RYR2: variants seen among roughly 807,000 people sequenced by gnomAD.
RYR2 encodes the protein cardiac muscle ryanodine receptor-calcium release channel.
A neutral mutation model predicts 601.1 loss-of-function variants in RYR2; 227 were observed. The observed-to-expected ratio is 0.38, with a 90% CI of 0.34 to 0.42. The LOEUF (loss-of-function observed/expected upper bound fraction) is 0.42, where lower values mean the gene tolerates loss of function less well. Ranked by LOEUF, RYR2 falls within the 10% of genes least tolerant of loss-of-function variation. The pLI, the probability that RYR2 is intolerant of heterozygous loss-of-function variation, is 1.00. For synonymous variants in RYR2, 2,223 were observed against 2,175.1 expected, an observed-to-expected ratio of 1.02 and a Z score of -0.61; for missense variants, 4,646 against 6,156.5, an observed-to-expected ratio of 0.75 and a Z score of 8.21.
At chr1:237,545,753 T>TA (rs57471366) in intron 25 of RYR2, among the ~76,000 whole-genome samples, 9,760 of 128,144 alleles carry the variant, frequency 0.076, 401 homozygotes, top group Admixed American at 0.13. Context: ...TCTTGAAAAA[T>TA]AAAAAAAAAA....
intron 25 of RYR2, among the ~76,000 whole-genome samples, chr1:237,542,391 C>T (rs1210094553): frequency 6.6e-6 from 1 of 152,208 alleles, no homozygotes; most frequent in African/African-American, 2.4e-5. Context: ...TGAAAGCATT[C>T]TACTGCTGAA....
At chr1:237,492,119 G>A (rs1347474663) in intron 18 of RYR2, among the ~76,000 whole-genome samples, 195 bp downstream of exon 18, 1 of 152,136 alleles carries the variant, frequency 6.6e-6, no homozygotes, top group Non-Finnish European at 1.5e-5. Flanking sequence ...TGCAACCTCC[G>A]CCTCTAGGGT....
In RYR2 at chr1:237,625,643, T is replaced by C. The variant is rs1422037343; in HGVS notation, c.6023-18T>C. 3.7e-6 allele frequency: 6 copies of C among 1,604,258 alleles called. No homozygotes were observed. On this transcript the variant is annotated intron_variant, in intron 39 of 104. Coordinates refer to ENST00000366574, the MANE Select transcript of RYR2 (RefSeq NM_001035.3). ...TTCTTTAAATATTTTTTTCTGCCTCTCTGTTTTTTTATACTAGGAATTGAG... is the reference window on the plus strand; with the variant it reads ...TTCTTTAAATATTTTTTTCTGCCTCCCTGTTTTTTTATACTAGGAATTGAG...
At chr1:237,459,436 T>C (rs1480740719) in intron 16 of RYR2, among the ~76,000 whole-genome samples, 1 of 152,170 alleles carries the variant, frequency 6.6e-6, no homozygotes, top group African/African-American at 2.4e-5. Context: ...ATTTCATGTA[T>C]GAATGTTTGA....
chr1:237,245,656 G>C (rs1240766808), intron 1 of RYR2, among the ~76,000 whole-genome samples: 1 of 152,104 alleles, frequency 6.6e-6, no homozygotes, highest in African/African-American at 2.4e-5. Context: ...GATTACAGAG[G>C]ATTTATAGAC....
At chr1:237,226,833 C>T (rs1016566243) in intron 1 of RYR2, among the ~76,000 whole-genome samples, 10 of 151,924 alleles carry the variant, frequency 6.6e-5, no homozygotes, top group African/African-American at 1.9e-4. Flanking sequence ...TAGTGGCGTG[C>T]TCTCGGCTCA....
intron 2 of RYR2, among the ~76,000 whole-genome samples, chr1:237,320,966 T>TG (rs1417352515): frequency 0.019 from 2 of 104 alleles, no homozygotes; most frequent in Non-Finnish European, 0.025. Flanking sequence ...CACATTTAGG[T>TG]TTTTTTTTTT....
At chr1:237,735,352 T>C (rs1185840011) in intron 79 of RYR2, among the ~76,000 whole-genome samples, 1 of 152,090 alleles carries the variant, frequency 6.6e-6, no homozygotes, top group Non-Finnish European at 1.5e-5. Context: ...CTAGATGGAA[T>C]TGTGAGGTTG....
chr1:237,177,057 T>G (rs1407137923), intron 1 of RYR2, among the ~76,000 whole-genome samples: 2 of 152,208 alleles, frequency 1.3e-5, no homozygotes, highest in African/African-American at 4.8e-5. Context: ...TAGTCTATGT[T>G]GTATTACTGT....
chr1:237,351,890 A>G (rs1271860041), intron 3 of RYR2, among the ~76,000 whole-genome samples: 1 of 150,410 alleles, frequency 6.6e-6, no homozygotes, highest in African/African-American at 2.4e-5. Context: ...GTATAGACTA[A>G]TATTTATCAG....
intron 1 of RYR2, among the ~76,000 whole-genome samples, chr1:237,244,792 C>T (rs986255246): frequency 8.0e-5 from 10 of 124,498 alleles, no homozygotes; most frequent in South Asian, 3.1e-4. Flanking sequence ...CAATGAGCCC[C>T]GGGTATTTAC....
chr1:237,091,560 G>A (rs934052047), intron 1 of RYR2, among the ~76,000 whole-genome samples: 6 of 152,106 alleles, frequency 3.9e-5, no homozygotes, highest in Non-Finnish European at 8.8e-5. Flanking sequence ...GAGTAGCTGG[G>A]ATTACAGGTG....
chr1:237,366,583 T>A (rs1214152285), intron 5 of RYR2, among the ~76,000 whole-genome samples: 2 of 151,680 alleles, frequency 1.3e-5, no homozygotes, highest in Non-Finnish European at 2.9e-5. Flanking sequence ...CAACTGTATT[T>A]AAAAAACACA....
intron 100 of RYR2, among the ~76,000 whole-genome samples, chr1:237,814,968 T>TTC (rs1296346395): frequency 5.5e-5 from 7 of 128,166 alleles, no homozygotes; most frequent in East Asian, 2.3e-4. Flanking sequence ...CTTTTTTCTT[T>TTC]TTTTTTTTTT....
intron 92 of RYR2, 66 bp downstream of exon 92, chr1:237,788,201 A>C: frequency 7.4e-7 from 1 of 1,355,514 alleles, no homozygotes; most frequent in Non-Finnish European, 1.0e-6. Flanking sequence ...TAGGCTCAGT[A>C]AATGTTTGCT....
At chr1:237,303,826 A>G (rs1693610534) in intron 2 of RYR2, among the ~76,000 whole-genome samples, 1 of 152,132 alleles carries the variant, frequency 6.6e-6, no homozygotes, top group Non-Finnish European at 1.5e-5. Context: ...ACTTTATATA[A>G]TTATCTTATT....
chr1:237,566,708 G>A lies in RYR2; in HGVS notation c.3356G>A (p.Arg1119His), dbSNP rs201312753. 3.3e-4 allele frequency: 526 copies of A among 1,613,802 alleles called. No individual in the cohort carries two copies. Among genetic ancestry groups the A allele is most frequent in the Non-Finnish European group, 4.2e-4 (493 of 1,179,852 alleles). ...TAGDMRVGWS[R>H]PGCQPDQELG... Reference sequence around the variant, plus strand: ...GGAGACATGAGGGTTGGTTGGAGTCGTCCTGGTTGTCAACCGGATCAGGAG... The same window carrying A: ...GGAGACATGAGGGTTGGTTGGAGTCATCCTGGTTGTCAACCGGATCAGGAG... The change falls in exon 28 of 105, where the codon CGT (arginine) becomes CAT (histidine). Residue 1119 changes from arginine to histidine, a missense_variant. Around this residue, in one of 17 missense-constraint regions of RYR2, gnomAD observed 1,807 missense variants for 2,088.1 expected, o/e 0.87. Coordinates refer to ENST00000366574, the MANE Select transcript of RYR2 (RefSeq NM_001035.3).
Position 237,658,031 on chromosome 1 carries a change from A to C in RYR2, c.8208+9A>C. 3 of 1,437,234 alleles carry C rather than the reference A, an allele frequency of 2.1e-6. No individual in the cohort carries two copies. The highest frequency in any genetic ancestry group is 2.8e-5 in the South Asian group (2 of 70,340). The allele number at this position is 1,437,234 out of a possible 1,614,324, so 89.0% of individuals were successfully genotyped here. ...AATGGTCAATGGACAAGGTAAAAAG[A>C]GTATTACATTCTAATTCAGTAGTCA... On this transcript the variant is annotated intron_variant, in intron 54 of 104. Transcript: ENST00000366574.
intron 1 of RYR2, among the ~76,000 whole-genome samples, chr1:237,265,015 G>A (rs975011761): frequency 3.3e-5 from 5 of 151,938 alleles, no homozygotes; most frequent in African/African-American, 1.2e-4. Context: ...TTAATAATCA[G>A]ACATTAATAA....
Sources: gnomAD v4.1 joint callset for allele counts (sites outside exome capture counted in the v4.1 genomes callset) on GRCh38, gnomAD v4.1.1 for gene constraint, gnomAD v4.1.1 regional missense constraint, MANE v1.5 for transcripts, NCBI Gene and HGNC (gene_info 2026-07-23, HGNC 2026-07-21) for gene names.